Variants in KCNH8 observed in about 807,000 individuals in gnomAD.
The protein encoded by KCNH8 is voltage-gated delayed rectifier potassium channel KCNH8.
In KCNH8, 70 loss-of-function variants were observed where a neutral mutation model predicts 103.6. The ratio of observed to expected loss-of-function variants is 0.68; its 90% CI spans 0.56 to 0.82. The LOEUF is 0.82. KCNH8 is among the 40% of genes least tolerant of loss of function. The pLI, the probability that KCNH8 is intolerant of heterozygous loss-of-function variation, is 0.00. For synonymous variants in KCNH8, 498 were observed against 489.4 expected (o/e 1.02, Z -0.23); for missense variants, 1,217 against 1,329.9 (o/e 0.92, Z 1.32).
chr3:19,340,934 A>G (rs113221108), intron 3 of KCNH8, among the ~76,000 whole-genome samples: 1 of 152,160 alleles, frequency 6.6e-6, no homozygotes, highest in African/African-American at 2.4e-5. Flanking sequence ...GTTTATTAAA[A>G]TGTTTTAGAG....
chr3:19,222,176 G>C (rs1456855628), intron 1 of KCNH8, among the ~76,000 whole-genome samples: 1 of 152,158 alleles, frequency 6.6e-6, no homozygotes, highest in Admixed American at 6.6e-5. Flanking sequence ...AGAATAAGTG[G>C]AGTTGGGCAA....
At chr3:19,385,511 A>G (rs1191555920) in intron 5 of KCNH8, among the ~76,000 whole-genome samples, 1 of 152,090 alleles carries the variant, frequency 6.6e-6, no homozygotes, top group Non-Finnish European at 1.5e-5. Flanking sequence ...TTCTAAATGC[A>G]GTTTTTCTTA....
intron 3 of KCNH8, among the ~76,000 whole-genome samples, chr3:19,340,515 C>T (rs1361424716): frequency 1.3e-5 from 2 of 151,820 alleles, no homozygotes; most frequent in African/African-American, 4.8e-5. Flanking sequence ...TGTATGCTGA[C>T]CATTTGATCA....
Position 19,476,662 on chromosome 3 carries a change from C to A in KCNH8, c.2040+19680C>A, listed in dbSNP as rs371030951. Among the ~76,000 whole-genome samples, 13 of 152,228 alleles carry A rather than the reference C, an allele frequency of 8.5e-5. No homozygotes were observed. In the South Asian group the frequency reaches 1.2e-3, roughly 15 times the overall value. ...AAATCATTGATTTGGGGCATAGCTT[C>A]TTAAGCTTGAAATCTTTAAAACTCT... On this transcript the variant is annotated intron_variant, in intron 11 of 15. Transcript: ENST00000328405.
intron 11 of KCNH8, among the ~76,000 whole-genome samples, chr3:19,462,564 G>C (rs577584168): frequency 1.4e-4 from 22 of 152,128 alleles, no homozygotes; most frequent in Non-Finnish European, 2.8e-4. Flanking sequence ...TGGGTAGATG[G>C]CAGAAATGTT....
At chr3:19,415,749 CT>C (rs2066854679) in intron 7 of KCNH8, among the ~76,000 whole-genome samples, 1 of 151,960 alleles carries the variant, frequency 6.6e-6, no homozygotes, top group African/African-American at 2.4e-5. Flanking sequence ...ACAACAATTA[CT>C]TTTGCACCAA....
chr3:19,270,159 A>G (rs2064568016), intron 2 of KCNH8, among the ~76,000 whole-genome samples: 1 of 152,130 alleles, frequency 6.6e-6, no homozygotes. Flanking sequence ...TACTATGCTC[A>G]TTTTTTAATG....
chr3:19,495,604 G>A lies in KCNH8; in HGVS notation c.2041-14759G>A, dbSNP rs577556815. Reference sequence around the variant, plus strand: ...CAAGGACCCTGCTATTTTGGTTACTGTAGCCTTGTAATATAGCTTGAAGTC... The same window carrying A: ...CAAGGACCCTGCTATTTTGGTTACTATAGCCTTGTAATATAGCTTGAAGTC... On this transcript the variant is annotated intron_variant, in intron 11 of 15. Transcript: ENST00000328405. Among the ~76,000 whole-genome samples, 6 of 152,236 alleles carry A rather than the reference G, an allele frequency of 3.9e-5. No individual in the cohort carries two copies. The East Asian group carries it at 1.2e-3, about 29-fold the overall frequency.
rs371060738 is a variant in KCNH8, at chr3:19,354,358, T to G, written c.811+6393T>G. Among the ~76,000 whole-genome samples the G allele has an allele frequency of 1.5e-4, 23 of 152,298 alleles. 1 individual carries two copies. The South Asian group carries it at 1.7e-3, about 11-fold the overall frequency. The stretch of plus-strand genomic sequence containing the variant: ...CCCCATCAAGCTACCAGTGACTTTC[T>G]TCACAGAATTGGAAAAAACTACTTT... On this transcript the variant is annotated intron_variant, in intron 5 of 15. Coordinates refer to ENST00000328405, the MANE Select transcript of KCNH8 (RefSeq NM_144633.3).
In KCNH8 at chr3:19,533,461, G is replaced by A. The variant is rs755657758; in HGVS notation, c.2686G>A (p.Glu896Lys). Residue 896 changes from glutamate to lysine, a missense_variant, in exon 16 of 16, where the codon GAA becomes AAA. Physicochemically the swap from Glu to Lys is moderately conservative, Grantham distance 56. This residue lies in a region of KCNH8 where 558 missense variants were observed against 495.8 expected (regional missense o/e 1.13). Coordinates refer to ENST00000328405, the MANE Select transcript of KCNH8 (RefSeq NM_144633.3). ...KDMRNVIQLL[E>K]NVLSPQQPSR... ...CATGAGAAATGTGATCCAGCTTCTGGAAAACGTTCTGTCACCTCAGCAGCC... is the reference window on the plus strand; with the variant it reads ...CATGAGAAATGTGATCCAGCTTCTGAAAAACGTTCTGTCACCTCAGCAGCC... The A allele has an allele frequency of 3.1e-6, 5 of 1,614,082 alleles. No homozygotes were observed. Among genetic ancestry groups the A allele is most frequent in the South Asian group, 1.1e-5 (1 of 91,084 alleles).
chr3:19,180,630 A>G (rs181609338), intron 1 of KCNH8, among the ~76,000 whole-genome samples: 2 of 152,208 alleles, frequency 1.3e-5, no homozygotes, highest in Admixed American at 6.5e-5. Context: ...TGGCTTTACA[A>G]TCTGGTTCAC....
At chr3:19,343,775 A>G (rs2065692858) in intron 4 of KCNH8, among the ~76,000 whole-genome samples, 1 of 152,086 alleles carries the variant, frequency 6.6e-6, no homozygotes, top group Admixed American at 6.6e-5. Flanking sequence ...CATCAGACAT[A>G]CGAAGTATTC....
intron 11 of KCNH8, among the ~76,000 whole-genome samples, chr3:19,475,060 C>A (rs189037278): frequency 6.6e-6 from 1 of 152,088 alleles, no homozygotes. Flanking sequence ...GAGTTTCCTG[C>A]AACCCCCAAA....
In KCNH8 at chr3:19,451,411, C is replaced by T; in HGVS notation, c.1825+7C>T. The T allele has an allele frequency of 6.2e-7, 1 of 1,609,652 alleles. No homozygotes were observed. Among genetic ancestry groups the T allele is most frequent in the Non-Finnish European group, 8.5e-7 (1 of 1,177,652 alleles). Reference sequence around the variant, plus strand: ...ATGGTGCTGGCTATTCTTGGTAGGTCTGAATTGAAAAACTTGTATGAAATT... The same window carrying T: ...ATGGTGCTGGCTATTCTTGGTAGGTTTGAATTGAAAAACTTGTATGAAATT... On this transcript the variant is annotated splice_region_variant and intron_variant, in intron 10 of 15. Coordinates refer to ENST00000328405, the MANE Select transcript of KCNH8 (RefSeq NM_144633.3).
chr3:19,395,476 A>G (rs953576122), intron 7 of KCNH8, among the ~76,000 whole-genome samples, 165 bp downstream of exon 7: 3 of 152,052 alleles, frequency 2.0e-5, no homozygotes, highest in Admixed American at 1.3e-4. Flanking sequence ...ATTTATTTCA[A>G]TAAGGTTTTC....
At chr3:19,331,393 G>A (rs1317758123) in intron 3 of KCNH8, among the ~76,000 whole-genome samples, 1 of 151,928 alleles carries the variant, frequency 6.6e-6, no homozygotes, top group Non-Finnish European at 1.5e-5. Flanking sequence ...CCAGGTTCAA[G>A]TGATTCTCCT....
At chr3:19,355,425 C>G (rs1026993900) in intron 5 of KCNH8, among the ~76,000 whole-genome samples, 2 of 152,150 alleles carry the variant, frequency 1.3e-5, no homozygotes, top group African/African-American at 2.4e-5. Flanking sequence ...TATAAAGACA[C>G]ATGCACACAT....
chr3:19,473,022 C>T (rs1035650138), intron 11 of KCNH8, among the ~76,000 whole-genome samples: 8 of 152,044 alleles, frequency 5.3e-5, no homozygotes, highest in African/African-American at 1.5e-4. Flanking sequence ...TCTGGGAGTT[C>T]GGATTATTTT....
At chr3:19,232,598 T>A (rs750948969) in intron 1 of KCNH8, among the ~76,000 whole-genome samples, 1 of 152,176 alleles carries the variant, frequency 6.6e-6, no homozygotes, top group African/African-American at 2.4e-5. Context: ...GGAAAAAGAA[T>A]CTCCTTGAGT....
Sources: gnomAD v4.1 joint callset for allele counts (sites outside exome capture counted in the v4.1 genomes callset) on GRCh38, gnomAD v4.1.1 for gene constraint, gnomAD v4.1.1 regional missense constraint, MANE v1.5 for transcripts, NCBI Gene and HGNC (gene_info 2026-07-23, HGNC 2026-07-21) for gene names.